Variants in DSCAM observed in about 807,000 individuals in gnomAD.
DSCAM encodes DS cell adhesion molecule.
Under a neutral mutation model 217.7 loss-of-function variants are expected in DSCAM, and 47 were observed. The observed-to-expected ratio is 0.22, with a 90% CI of 0.17 to 0.28. The LOEUF (loss-of-function observed/expected upper bound fraction) is 0.28. DSCAM is among the 10% of genes least tolerant of loss of function. The pLI is 1.00. For missense variants in DSCAM, 2,080 were observed against 2,618.3 expected, an observed-to-expected ratio of 0.79 and a Z score of 4.49; for synonymous variants, 1,056 against 1,015.3, an observed-to-expected ratio of 1.04 and a Z score of -0.76.
At position 40,790,184 on chromosome 21, in the gene DSCAM, T is replaced by C. The variant is rs554687917; in HGVS notation, c.43+56435A>G. On this transcript the variant is annotated intron_variant, in intron 1 of 32. Coordinates refer to ENST00000400454, the MANE Select transcript of DSCAM (RefSeq NM_001389.5). Reference sequence around the variant, plus strand: ...TGCAAACGTTTTTCTTTCTTTCTTTTTTTTTTTTTTTTTTTTAGATGGAGT... The same window carrying C: ...TGCAAACGTTTTTCTTTCTTTCTTTCTTTTTTTTTTTTTTTTAGATGGAGT... Among the ~76,000 whole-genome samples, 254 of 140,566 alleles carry C rather than the reference T, an allele frequency of 1.8e-3. 2 individuals are homozygous for C. The highest frequency in any genetic ancestry group is 7.8e-3 in the Admixed American group (105 of 13,466). The allele number at this position is 140,566 out of a possible 152,430, so 92.2% of individuals were successfully genotyped here. A position where few individuals can be genotyped will look rare whatever the true frequency, so the allele number is the denominator to read the frequency against.
At chr21:40,477,104 G>T (rs761224464) in intron 3 of DSCAM, among the ~76,000 whole-genome samples, 1 of 152,142 alleles carries the variant, frequency 6.6e-6, no homozygotes, top group Non-Finnish European at 1.5e-5. Context: ...AGGCATTTAG[G>T]ATCTCAATGT....
chr21:40,241,655 C>T (rs982356179), intron 11 of DSCAM, among the ~76,000 whole-genome samples: 3 of 152,204 alleles, frequency 2.0e-5, no homozygotes, highest in African/African-American at 7.2e-5. Context: ...GGTATGTATC[C>T]AGAGGAATAT....
At chr21:40,301,700 C>T (rs116533678) in intron 9 of DSCAM, among the ~76,000 whole-genome samples, 1,346 of 130,444 alleles carry the variant, frequency 0.01, 13 homozygotes, top group African/African-American at 0.045. Flanking sequence ...CAGGCCATGG[C>T]ATGCCCAGCG....
At chr21:40,302,482 G>T (rs1286165959) in intron 9 of DSCAM, among the ~76,000 whole-genome samples, 1 of 152,120 alleles carries the variant, frequency 6.6e-6, no homozygotes, top group East Asian at 1.9e-4. Flanking sequence ...AGCCAGTCTT[G>T]GGTATGTCTT....
intron 11 of DSCAM, among the ~76,000 whole-genome samples, chr21:40,223,531 G>A (rs142257778): frequency 8.2e-6 from 1 of 122,002 alleles, no homozygotes; most frequent in Non-Finnish European, 1.7e-5. Flanking sequence ...CATCTTTAAC[G>A]AAAATCTAAG....
chr21:40,114,584 G>A (rs1297481395), intron 20 of DSCAM, among the ~76,000 whole-genome samples: 2 of 152,116 alleles, frequency 1.3e-5, no homozygotes, highest in Non-Finnish European at 2.9e-5. Context: ...AAACTAAAGA[G>A]CTTCTGCACA....
intron 3 of DSCAM, among the ~76,000 whole-genome samples, chr21:40,508,208 A>C (rs920093665): frequency 1.3e-5 from 2 of 152,198 alleles, no homozygotes; most frequent in African/African-American, 2.4e-5. Context: ...GTGAGTATTT[A>C]CCATTCTGAG....
At chr21:40,791,853 C>G (rs1394402848) in intron 1 of DSCAM, among the ~76,000 whole-genome samples, 3 of 152,066 alleles carry the variant, frequency 2.0e-5, no homozygotes, top group African/African-American at 7.2e-5. Context: ...GTCCATTTCC[C>G]CACAGCTCAC....
Position 40,692,859 on chromosome 21 carries a change from C to A in DSCAM, c.459G>T (p.Ala153=), listed in dbSNP as rs79669041. 5.6e-6 allele frequency: 9 copies of A among 1,613,920 alleles called. No individual in the cohort carries two copies. The highest frequency in any genetic ancestry group is 7.6e-6 in the Non-Finnish European group (9 of 1,179,894). Residue 153 remains alanine, a synonymous_variant, in exon 3 of 33, where the codon GCG becomes GCT. Coordinates refer to ENST00000400454, the MANE Select transcript of DSCAM (RefSeq NM_001389.5). ...FKCIIPSSVE[A]YITVVSWEKD... ...TCTCCCATGAGACGACAGTGATGTA[C>A]GCCTCCACCGAGGAGGGGATAATGC...
At chr21:40,703,247 C>T (rs2090676385) in intron 2 of DSCAM, among the ~76,000 whole-genome samples, 1 of 152,058 alleles carries the variant, frequency 6.6e-6, no homozygotes, top group African/African-American at 2.4e-5. Flanking sequence ...AATTTACTTC[C>T]ACTCTTGCCT....
chr21:40,604,328 G>C (rs988485079), intron 3 of DSCAM, among the ~76,000 whole-genome samples: 1 of 151,996 alleles, frequency 6.6e-6, no homozygotes, highest in Non-Finnish European at 1.5e-5. Flanking sequence ...TTATCCATCT[G>C]TTCTTGCTTG....
At chr21:40,087,541 A>T (rs923739015) in intron 21 of DSCAM, among the ~76,000 whole-genome samples, 11 of 152,228 alleles carry the variant, frequency 7.2e-5, no homozygotes, top group Admixed American at 7.2e-4. Context: ...TTAAATATCT[A>T]GGGCTTCATA....
intron 19 of DSCAM, among the ~76,000 whole-genome samples, chr21:40,127,539 A>G (rs1342921453): frequency 1.3e-5 from 2 of 152,160 alleles, no homozygotes; most frequent in Admixed American, 1.3e-4. Flanking sequence ...CCTTCAGAGA[A>G]TCCTCTCTTC....
chr21:40,441,127 T>C (rs1419235328), intron 3 of DSCAM, among the ~76,000 whole-genome samples: 2 of 152,142 alleles, frequency 1.3e-5, no homozygotes, highest in Admixed American at 6.5e-5. Context: ...AAAGGGAGTG[T>C]CTGTCTCTGA....
intron 32 of DSCAM, among the ~76,000 whole-genome samples, chr21:40,032,187 C>T (rs1285121585): frequency 6.6e-6 from 1 of 152,128 alleles, no homozygotes. Flanking sequence ...TGTGTGGTTC[C>T]TTGTGGCTGT....
intron 1 of DSCAM, among the ~76,000 whole-genome samples, chr21:40,739,059 G>A (rs2091095544): frequency 6.6e-6 from 1 of 152,140 alleles, no homozygotes; most frequent in African/African-American, 2.4e-5. Flanking sequence ...TCCTTCCCAT[G>A]GATCATCATG....
chr21:40,559,844 G>A (rs1418444293), intron 3 of DSCAM, among the ~76,000 whole-genome samples: 2 of 144,504 alleles, frequency 1.4e-5, no homozygotes, highest in South Asian at 2.2e-4. Flanking sequence ...CCAGGCTGGA[G>A]TGCAGTGGCG....
At chr21:40,196,032 T>A (rs1326902246) in intron 11 of DSCAM, among the ~76,000 whole-genome samples, 1 of 152,214 alleles carries the variant, frequency 6.6e-6, no homozygotes, top group African/African-American at 2.4e-5. Flanking sequence ...AACACATACA[T>A]CAGCGTGGGT....
At chr21:40,148,319 C>A (rs1174783035) in intron 16 of DSCAM, among the ~76,000 whole-genome samples, 3 of 151,884 alleles carry the variant, frequency 2.0e-5, no homozygotes, top group East Asian at 3.9e-4. Context: ...GCTTGCAGGT[C>A]CCCAAACTAT....
Sources: allele counts gnomAD v4.1 joint callset (sites outside exome capture counted in the v4.1 genomes callset), GRCh38; gene constraint gnomAD v4.1.1; transcripts MANE v1.5; gene names NCBI Gene and HGNC (gene_info 2026-07-23, HGNC 2026-07-21).